The following CFAP299 variants were observed in gnomAD, a reference collection of about 807,000 sequenced individuals.
The protein encoded by CFAP299 is cilia and flagella associated protein 299.
Under a neutral mutation model 27.0 loss-of-function variants are expected in CFAP299, and 21 were observed. That is an observed-to-expected ratio of 0.78 (90% CI 0.55 to 1.12). The LOEUF (loss-of-function observed/expected upper bound fraction) is 1.12, where lower values mean the gene tolerates loss of function less well. Ranked by LOEUF, CFAP299 falls within the 50% of genes most tolerant of loss-of-function variation. The pLI, the probability that CFAP299 is intolerant of heterozygous loss-of-function variation, is 0.00. For synonymous variants in CFAP299, 104 were observed against 98.1 expected (o/e 1.06, Z -0.36); for missense variants, 310 against 276.6 (o/e 1.12, Z -0.86).
At chr4:80,892,657 G>T (rs1439895468) in intron 4 of CFAP299, among the ~76,000 whole-genome samples, 1 of 151,892 alleles carries the variant, frequency 6.6e-6, no homozygotes, top group East Asian at 1.9e-4. Context: ...AAATAAAAAA[G>T]GCATTTAATA....
intron 3 of CFAP299, among the ~76,000 whole-genome samples, chr4:80,637,783 C>G (rs1211916887): frequency 6.6e-6 from 1 of 152,172 alleles, no homozygotes; most frequent in African/African-American, 2.4e-5. Context: ...CATATAACCT[C>G]TATCATGTCC....
intron 3 of CFAP299, among the ~76,000 whole-genome samples, chr4:80,790,911 A>G (rs1578126948): frequency 6.6e-6 from 1 of 152,206 alleles, no homozygotes; most frequent in South Asian, 2.1e-4. Flanking sequence ...TGATTACCAT[A>G]TTAGAATTCT....
intron 2 of CFAP299, among the ~76,000 whole-genome samples, chr4:80,477,284 A>G (rs1004915131): frequency 2.7e-5 from 4 of 150,602 alleles, no homozygotes; most frequent in African/African-American, 9.8e-5. Flanking sequence ...CTGGTCTTGA[A>G]CTCCTGAGCT....
intron 3 of CFAP299, among the ~76,000 whole-genome samples, chr4:80,835,117 T>C (rs939721772): frequency 6.6e-6 from 1 of 152,108 alleles, no homozygotes; most frequent in East Asian, 1.9e-4. Context: ...AATTTTTTGT[T>C]TGTTTGTTTT....
intron 3 of CFAP299, among the ~76,000 whole-genome samples, chr4:80,587,020 C>T (rs1439706632): frequency 6.6e-6 from 1 of 152,150 alleles, no homozygotes; most frequent in African/African-American, 2.4e-5. Flanking sequence ...ATACCCATTT[C>T]CTGTGTTGAA....
chr4:80,636,963 A>T (rs1739487269), intron 3 of CFAP299, among the ~76,000 whole-genome samples: 1 of 152,218 alleles, frequency 6.6e-6, no homozygotes, highest in African/African-American at 2.4e-5. Context: ...TGTTCACAAA[A>T]ATAATAATCA....
intron 2 of CFAP299, among the ~76,000 whole-genome samples, chr4:80,516,017 CTTT>C (rs34249511): frequency 2.5e-5 from 3 of 119,522 alleles, no homozygotes; most frequent in Non-Finnish European, 3.5e-5. Context: ...TTCTGCATTT[CTTT>C]TTTTTTTTTT....
At chr4:80,554,659 T>C (rs1442223168) in intron 2 of CFAP299, among the ~76,000 whole-genome samples, 1 of 152,092 alleles carries the variant, frequency 6.6e-6, no homozygotes. Context: ...TTTGTTTGTG[T>C]CTTCTCTGGT....
chr4:80,598,049 A>G (rs1737146857), intron 3 of CFAP299, among the ~76,000 whole-genome samples: 1 of 152,218 alleles, frequency 6.6e-6, no homozygotes, highest in African/African-American at 2.4e-5. Context: ...CATCCTAGCA[A>G]AGATGTCAAG....
At position 80,943,435 on chromosome 4, in the gene CFAP299, A is replaced by C. The variant is rs557690851; in HGVS notation, c.477-1375A>C. 4.1e-3 allele frequency among the ~76,000 whole-genome samples: 618 copies of C among 152,266 alleles called. 1 individual carries two copies. Among genetic ancestry groups the C allele is most frequent in the Middle Eastern group, 0.014 (4 of 294 alleles). ...GTAAGTTTAAACAATGAAACTTTCT[A>C]TTTTCAAAAAAGAAAGGGAGTAATA... On this transcript the variant is annotated intron_variant, in intron 4 of 5. Transcript: ENST00000358105.
At chr4:80,665,526 T>C (rs1163001484) in intron 3 of CFAP299, among the ~76,000 whole-genome samples, 2 of 152,242 alleles carry the variant, frequency 1.3e-5, no homozygotes. Flanking sequence ...CATTTTAATT[T>C]TTCAAAATTA....
chr4:80,791,226 C>T (rs1285337899), intron 3 of CFAP299, among the ~76,000 whole-genome samples: 2 of 151,756 alleles, frequency 1.3e-5, no homozygotes, highest in East Asian at 3.9e-4. Context: ...AAAAAAAATC[C>T]CTATTATGGA....
At chr4:80,810,969 T>C (rs1224404823) in intron 3 of CFAP299, among the ~76,000 whole-genome samples, 1 of 152,138 alleles carries the variant, frequency 6.6e-6, no homozygotes, top group Non-Finnish European at 1.5e-5. Context: ...TTATTTTCTT[T>C]GTACCTGCAT....
intron 2 of CFAP299, among the ~76,000 whole-genome samples, chr4:80,413,187 A>C (rs1726816533): frequency 6.6e-6 from 1 of 152,342 alleles, no homozygotes; most frequent in South Asian, 2.1e-4. Flanking sequence ...GAATGGAAAG[A>C]GTGAAATTGC....
At chr4:80,544,348 C>T (rs1450404089) in intron 2 of CFAP299, among the ~76,000 whole-genome samples, 1 of 152,164 alleles carries the variant, frequency 6.6e-6, no homozygotes, top group Non-Finnish European at 1.5e-5. Flanking sequence ...CAAATCCTCA[C>T]ATATCAATGT....
At chr4:80,584,425 G>C (rs778820564) in intron 3 of CFAP299, among the ~76,000 whole-genome samples, 1 of 152,020 alleles carries the variant, frequency 6.6e-6, no homozygotes, top group Non-Finnish European at 1.5e-5. Flanking sequence ...TAGAGGTCAA[G>C]ATGTGGTAAT....
At chr4:80,766,919 GA>G (rs1725899076) in intron 3 of CFAP299, among the ~76,000 whole-genome samples, 1 of 152,090 alleles carries the variant, frequency 6.6e-6, no homozygotes, top group Non-Finnish European at 1.5e-5. Context: ...TGTATGTAGC[GA>G]AAGAGTAAAT....
At chr4:80,793,104 T>C (rs1411722409) in intron 3 of CFAP299, among the ~76,000 whole-genome samples, 4 of 145,964 alleles carry the variant, frequency 2.7e-5, no homozygotes, top group African/African-American at 5.3e-5. Flanking sequence ...TAGTTATGTG[T>C]GTGTGTGTGT....
rs763926034 is a variant in CFAP299 at position 80,335,732 on chromosome 4, T to C, written c.-37T>C. The C allele has an allele frequency of 7.7e-6, 10 of 1,299,542 alleles. No individual in the cohort carries two copies. The South Asian group carries it at 9.4e-5, about 12-fold the overall frequency. 80.5% of individuals were successfully genotyped at this position (1,299,542 alleles called of 1,614,324 possible). ...GAGCCTCCTGACCCTGCCCTCCTGC[T>C]TCCGTTGCTAGGGACGCTTCGGCCG... On this transcript the variant is annotated 5_prime_UTR_variant, in exon 1 of 6. Transcript: ENST00000358105.
Sources: gnomAD v4.1 joint callset for allele counts (sites outside exome capture counted in the v4.1 genomes callset) on GRCh38, gnomAD v4.1.1 for gene constraint, MANE v1.5 for transcripts, NCBI Gene and HGNC (gene_info 2026-07-23, HGNC 2026-07-21) for gene names.